Variants in RBX1 observed in about 807,000 individuals in gnomAD.
RBX1 encodes ring-box 1.
For missense variants in RBX1, 46 were observed against 141.4 expected (o/e 0.33, Z 3.42); for synonymous variants, 48 against 47.9 (o/e 1.00, Z -0.01).
chr22:40,951,480 G>A lies in RBX1; in HGVS notation c.78+4G>A. ...GAAGCGCTTTGAAGTGAAAAAGGTT[G>A]GGTCTCGCCAGCGCCTTCCTCAGGG... On this transcript the variant is annotated splice_donor_region_variant and intron_variant, in intron 1 of 4. Coordinates refer to ENST00000216225, the MANE Select transcript of RBX1 (RefSeq NM_014248.4). 1 of 1,612,826 alleles carries A rather than the reference G, an allele frequency of 6.2e-7. No individual in the cohort carries two copies. Among genetic ancestry groups the A allele is most frequent in the Non-Finnish European group, 8.5e-7 (1 of 1,179,412 alleles).
chr22:40,955,658 G>A (rs1398054798), intron 2 of RBX1, among the ~76,000 whole-genome samples: 5 of 152,170 alleles, frequency 3.3e-5, no homozygotes, highest in Non-Finnish European at 5.9e-5. Flanking sequence ...ACTTTATTGT[G>A]CAATGTAAGA....
intron 2 of RBX1, among the ~76,000 whole-genome samples, chr22:40,959,825 A>C (rs564068523): frequency 6.6e-6 from 1 of 151,850 alleles, no homozygotes; most frequent in Admixed American, 6.6e-5. Flanking sequence ...GAAAAAAAGG[A>C]ATGAATCTTG....
intron 2 of RBX1, among the ~76,000 whole-genome samples, chr22:40,954,990 TTGGCCAGGC>T (rs545232639): frequency 1.1e-3 from 171 of 152,288 alleles, no homozygotes; most frequent in African/African-American, 4.0e-3. Flanking sequence ...TTTTACCGTG[TTGGCCAGGC>T]TGGCCTCGAA....
chr22:40,961,897 G>T (rs984859059), intron 2 of RBX1, among the ~76,000 whole-genome samples: 2 of 151,776 alleles, frequency 1.3e-5, no homozygotes, highest in Non-Finnish European at 2.9e-5. Context: ...TGATTCTCCT[G>T]CCTCAGCCTC....
chr22:40,965,926 GA>G (rs2058353253), intron 3 of RBX1, among the ~76,000 whole-genome samples: 1 of 152,204 alleles, frequency 6.6e-6, no homozygotes, highest in African/African-American at 2.4e-5. Context: ...TATGTGGAAA[GA>G]AAAGAGAGTG....
At chr22:40,972,224 A>G (rs1490799841) in intron 4 of RBX1, among the ~76,000 whole-genome samples, 1 of 152,136 alleles carries the variant, frequency 6.6e-6, no homozygotes, top group African/African-American at 2.4e-5. Context: ...GGCACCTGTC[A>G]GGTGGGCATG....
intron 3 of RBX1, chr22:40,967,432 G>C (rs1292158618): frequency 6.1e-6 from 1 of 162,816 alleles, no homozygotes; most frequent in Non-Finnish European, 1.3e-5. Context: ...GGGGATATTT[G>C]AAATCTGCAT....
intron 2 of RBX1, 86 bp downstream of exon 2, chr22:40,953,719 C>T (rs936714157): frequency 2.2e-6 from 2 of 909,854 alleles, no homozygotes; most frequent in South Asian, 2.6e-5. Flanking sequence ...CTTCTTCACA[C>T]GAGGAGATAG....
intron 2 of RBX1, among the ~76,000 whole-genome samples, chr22:40,955,590 A>G (rs1185192770): frequency 2.6e-5 from 4 of 152,240 alleles, no homozygotes; most frequent in African/African-American, 7.2e-5. Context: ...CTTACAGCAC[A>G]TCTGGATTCA....
chr22:40,965,731 C>T (rs1741130406), intron 3 of RBX1, among the ~76,000 whole-genome samples: 2 of 152,166 alleles, frequency 1.3e-5, no homozygotes, highest in Non-Finnish European at 2.9e-5. Context: ...CGTGAGCCAC[C>T]GTGCCCAGCC....
At chr22:40,955,368 C>T (rs945563851) in intron 2 of RBX1, among the ~76,000 whole-genome samples, 9 of 150,078 alleles carry the variant, frequency 6.0e-5, no homozygotes, top group South Asian at 2.1e-4. Context: ...CAAAATGTTG[C>T]GATTATAGGC....
chr22:40,972,548 T>A lies in RBX1; in HGVS notation c.*60T>A, dbSNP rs1316313471. ...TTATTCATTTAATGACTTTCCCTGC[T>A]GTTACCTAATTACAAATTGGATGGA... On this transcript the variant is annotated 3_prime_UTR_variant, in exon 5 of 5. Coordinates refer to ENST00000216225, the MANE Select transcript of RBX1 (RefSeq NM_014248.4). The A allele has an allele frequency of 7.4e-7, 1 of 1,353,972 alleles. No individual in the cohort carries two copies. Among genetic ancestry groups the A allele is most frequent in the Non-Finnish European group, 1.1e-6 (1 of 948,904 alleles). The allele number at this position is 1,353,972 out of a possible 1,614,324, so 83.9% of individuals were successfully genotyped here.
At chr22:40,971,602 C>T (rs967569298) in intron 4 of RBX1, among the ~76,000 whole-genome samples, 1 of 152,112 alleles carries the variant, frequency 6.6e-6, no homozygotes, top group Non-Finnish European at 1.5e-5. Context: ...GTCACCTAGG[C>T]TGGAGTGCAG....
At chr22:40,963,973 A>G in intron 2 of RBX1, 74 bp from the exon 3 acceptor site, 1 of 1,098,164 alleles carries the variant, frequency 9.1e-7, no homozygotes, top group African/African-American at 1.5e-5. Context: ...CCACTTGAGA[A>G]TTGTTTTGGC....
chr22:40,961,081 C>CTTTTTT (rs61092253), intron 2 of RBX1, among the ~76,000 whole-genome samples: 30 of 107,634 alleles, frequency 2.8e-4, no homozygotes, highest in Non-Finnish European at 4.0e-4. Flanking sequence ...CGTGCCTGGC[C>CTTTTTT]TTTTTTTTTT....
At chr22:40,962,898 A>G (rs1386826838) in intron 2 of RBX1, among the ~76,000 whole-genome samples, 1 of 137,178 alleles carries the variant, frequency 7.3e-6, no homozygotes, top group African/African-American at 2.8e-5. Flanking sequence ...GTGTTTCACT[A>G]TGTTGGCCAG....
At chr22:40,953,239 C>T (rs1180535452) in intron 1 of RBX1, among the ~76,000 whole-genome samples, 2 of 152,148 alleles carry the variant, frequency 1.3e-5, no homozygotes, top group East Asian at 1.9e-4. Flanking sequence ...ATCGGCCCGC[C>T]TCGGCCTCCC....
intron 2 of RBX1, among the ~76,000 whole-genome samples, chr22:40,959,014 A>G (rs1447916723): frequency 1.3e-5 from 2 of 152,134 alleles, no homozygotes. Flanking sequence ...GGGTTTCACC[A>G]TGTTGGCCAG....
chr22:40,957,494 C>A (rs1334897902), intron 2 of RBX1, among the ~76,000 whole-genome samples: 2 of 151,720 alleles, frequency 1.3e-5, no homozygotes, highest in Non-Finnish European at 2.9e-5. Context: ...AAAAATTAGC[C>A]AGGCATGGTG....
Sources: gnomAD v4.1 joint callset for allele counts (sites outside exome capture counted in the v4.1 genomes callset) on GRCh38, gnomAD v4.1.1 for gene constraint, MANE v1.5 for transcripts, NCBI Gene and HGNC (gene_info 2026-07-23, HGNC 2026-07-21) for gene names.